Variants in NRXN1 observed in about 807,000 individuals in gnomAD.
NRXN1 encodes the protein neurexin-1.
Under a neutral mutation model 150.9 loss-of-function variants are expected in NRXN1, and 39 were observed. That is an observed-to-expected ratio of 0.26 (90% CI 0.20 to 0.34). The LOEUF (loss-of-function observed/expected upper bound fraction) is 0.34. Among genes scored for constraint, NRXN1 ranks in the 10% least tolerant of loss-of-function variants. The pLI is 1.00. For missense variants in NRXN1, 1,815 were observed against 1,949.9 expected (o/e 0.93, Z 1.30); for synonymous variants, 924 against 757.0 (o/e 1.22, Z -3.62).
intron 21 of NRXN1, among the ~76,000 whole-genome samples, chr2:50,047,812 G>A (rs1692071403): frequency 1.3e-5 from 2 of 151,836 alleles, no homozygotes; most frequent in African/African-American, 4.8e-5. Flanking sequence ...GTGCAGAAAA[G>A]TCTAATTTTG....
At chr2:50,472,795 TTGTGTGTG>T (rs113192574) in intron 15 of NRXN1, among the ~76,000 whole-genome samples, 33 of 138,640 alleles carry the variant, frequency 2.4e-4, no homozygotes, top group Non-Finnish European at 4.1e-4. Flanking sequence ...CCCTACAGCC[TTGTGTGTG>T]TGTGTGTGTG....
intron 15 of NRXN1, among the ~76,000 whole-genome samples, chr2:50,474,682 GCAAAAAA>G (rs2089829353): frequency 2.4e-4 from 1 of 4,176 alleles, no homozygotes; most frequent in African/African-American, 5.1e-4. Context: ...CACAGAAATA[GCAAAAAA>G]AAAAAAAAAA....
intron 5 of NRXN1, among the ~76,000 whole-genome samples, chr2:50,799,968 G>A (rs778272092): frequency 5.3e-5 from 8 of 151,982 alleles, no homozygotes; most frequent in Non-Finnish European, 1.0e-4. Context: ...AAAATTAAAT[G>A]TACTTAAATT....
chr2:50,219,295 C>A (rs1042626989), intron 18 of NRXN1, among the ~76,000 whole-genome samples: 2 of 150,696 alleles, frequency 1.3e-5, no homozygotes, highest in African/African-American at 4.9e-5. Context: ...CAAGTATTGT[C>A]TTTTTATGTA....
chr2:49,968,947 A>G (rs1677444070), intron 21 of NRXN1, among the ~76,000 whole-genome samples: 1 of 152,112 alleles, frequency 6.6e-6, no homozygotes. Context: ...TGGCATAGAT[A>G]CAATCATGCA....
At chr2:50,750,185 T>C (rs970530168) in intron 5 of NRXN1, among the ~76,000 whole-genome samples, 3 of 152,010 alleles carry the variant, frequency 2.0e-5, no homozygotes, top group Admixed American at 6.6e-5. Flanking sequence ...CAGGAGCCTA[T>C]ACTATTTTGA....
chr2:50,319,828 C>T (rs889330315), intron 17 of NRXN1, among the ~76,000 whole-genome samples: 3 of 152,050 alleles, frequency 2.0e-5, no homozygotes, highest in Non-Finnish European at 4.4e-5. Flanking sequence ...CACTAACCTC[C>T]TCTCATATTC....
At chr2:50,600,945 TA>T (rs1553867702) in intron 8 of NRXN1, among the ~76,000 whole-genome samples, 22 of 150,296 alleles carry the variant, frequency 1.5e-4, no homozygotes, top group African/African-American at 5.1e-4. Flanking sequence ...ATTTGTGAAT[TA>T]AAAAAAAATG....
At chr2:50,325,974 T>C (rs921580253) in intron 17 of NRXN1, among the ~76,000 whole-genome samples, 1 of 152,196 alleles carries the variant, frequency 6.6e-6, no homozygotes, top group South Asian at 2.1e-4. Context: ...GGTAGAAATA[T>C]ATTTAGCAGA....
At chr2:50,643,180 T>C (rs954211343) in intron 5 of NRXN1, among the ~76,000 whole-genome samples, 3 of 151,990 alleles carry the variant, frequency 2.0e-5, no homozygotes, top group Non-Finnish European at 4.4e-5. Flanking sequence ...GTTCCTTTTC[T>C]TGTGTTTAAG....
chr2:50,231,608 G>C (rs2064947207), intron 18 of NRXN1, among the ~76,000 whole-genome samples: 1 of 152,042 alleles, frequency 6.6e-6, no homozygotes, highest in African/African-American at 2.4e-5. Flanking sequence ...AATTTGCAAT[G>C]CTCTTTTATG....
chr2:50,999,389 G>A (rs937783), intron 2 of NRXN1, among the ~76,000 whole-genome samples: 1 of 152,044 alleles, frequency 6.6e-6, no homozygotes, highest in African/African-American at 2.4e-5. Flanking sequence ...CAAATAATCA[G>A]GAATGAAGGT....
intron 21 of NRXN1, among the ~76,000 whole-genome samples, chr2:50,046,017 A>C (rs1691742397): frequency 6.6e-6 from 1 of 152,224 alleles, no homozygotes; most frequent in African/African-American, 2.4e-5. Flanking sequence ...TCCAGGATAG[A>C]TACAGAAATC....
At chr2:50,063,830 CT>C (rs1694940003) in intron 19 of NRXN1, among the ~76,000 whole-genome samples, 1 of 152,000 alleles carries the variant, frequency 6.6e-6, no homozygotes, top group South Asian at 2.1e-4. Context: ...TGCTGTACGC[CT>C]TATGTATAAC....
At chr2:50,782,380 G>A (rs1211352823) in intron 5 of NRXN1, among the ~76,000 whole-genome samples, 1 of 151,948 alleles carries the variant, frequency 6.6e-6, no homozygotes, top group East Asian at 1.9e-4. Flanking sequence ...TGAGGCAGGA[G>A]AATCACTTGA....
chr2:50,716,619 T>G (rs1406889268), intron 5 of NRXN1, among the ~76,000 whole-genome samples: 1 of 152,146 alleles, frequency 6.6e-6, no homozygotes, highest in Non-Finnish European at 1.5e-5. Context: ...TGCATTCTAG[T>G]TACCTAAATT....
intron 5 of NRXN1, among the ~76,000 whole-genome samples, chr2:50,863,942 T>C (rs1419878708): frequency 6.6e-6 from 1 of 151,980 alleles, no homozygotes; most frequent in Non-Finnish European, 1.5e-5. Flanking sequence ...ATACAGCACC[T>C]CCTCAGGTTG....
chr2:50,907,740 A>C (rs1683926067), intron 5 of NRXN1, among the ~76,000 whole-genome samples: 1 of 152,092 alleles, frequency 6.6e-6, no homozygotes, highest in South Asian at 2.1e-4. Flanking sequence ...GCCTCAAAAA[A>C]GATAGAAAAG....
chr2:49,995,861 T>TA lies in NRXN1; in HGVS notation c.4129-52071dup, dbSNP rs60974625. Among the ~76,000 whole-genome samples, 146 of 66,154 alleles carry TA rather than the reference T, an allele frequency of 2.2e-3. 3 individuals carry two copies. The highest frequency in any genetic ancestry group is 0.023 in the Middle Eastern group (2 of 88). The allele number at this position is 66,154 out of a possible 152,430, so 43.4% of individuals were successfully genotyped here. A position where few individuals can be genotyped will look rare whatever the true frequency, so the allele number is the denominator to read the frequency against. On this transcript the variant is annotated intron_variant, in intron 21 of 22. Coordinates refer to ENST00000401669, the MANE Select transcript of NRXN1 (RefSeq NM_001330078.2). The stretch of plus-strand genomic sequence containing the variant: ...AGTATGAAAGCACCATGCTGGATAG[T>TA]AAAAAAAAAAAAAAAAAAAAAAGAA...
Sources: gnomAD v4.1 joint callset for allele counts (sites outside exome capture counted in the v4.1 genomes callset) on GRCh38, gnomAD v4.1.1 for gene constraint, MANE v1.5 for transcripts, NCBI Gene and HGNC (gene_info 2026-07-23, HGNC 2026-07-21) for gene names.